EPHX3: variants seen among roughly 807,000 people sequenced by gnomAD.
EPHX3 encodes the protein abhydrolase domain containing 9.
Under a neutral mutation model 40.2 loss-of-function variants are expected in EPHX3, and 39 were observed. That is an observed-to-expected ratio of 0.97 (90% CI 0.75 to 1.27). The LOEUF is 1.27. Ranked by LOEUF, EPHX3 falls within the 50% of genes most tolerant of loss-of-function variation. EPHX3 has a pLI of 0.00. For missense variants in EPHX3, 442 were observed against 474.0 expected, an observed-to-expected ratio of 0.93 and a Z score of 0.63; for synonymous variants, 213 against 209.7, an observed-to-expected ratio of 1.02 and a Z score of -0.14.
At chr19:15,232,512 G>A (rs531697118), upstream of EPHX3, 1 of 1,090,254 alleles carries the variant, frequency 9.2e-7, no homozygotes, top group East Asian at 4.2e-5. Flanking sequence ...GGGCCTAGCA[G>A]GTCCTGTGCG....
upstream of EPHX3, among the ~76,000 whole-genome samples, chr19:15,233,587 C>G (rs1305711254): frequency 6.6e-6 from 1 of 152,244 alleles, no homozygotes; most frequent in African/African-American, 2.4e-5. Flanking sequence ...GGCCCAGGCT[C>G]CGAGAGCGGG....
In EPHX3 at chr19:15,230,789, G is replaced by A. The variant is rs150831966; in HGVS notation, c.616+173C>T. 1.5e-3 allele frequency among the ~76,000 whole-genome samples: 226 copies of A among 152,032 alleles called. 1 individual carries two copies. The highest frequency in any genetic ancestry group is 5.2e-3 in the African/African-American group (214 of 41,472). ...ATTACAGGTGTGAGCCACTGGGTCT[G>A]GCGTGTCATTAATTTCCGAATGAGG... On this transcript the variant is annotated intron_variant, in intron 4 of 6. Coordinates refer to ENST00000221730, the MANE Select transcript of EPHX3 (RefSeq NM_024794.3).
chr19:15,227,149 A>C lies in EPHX3; in HGVS notation c.*288T>G. The C allele has an allele frequency of 2.3e-6, 1 of 430,364 alleles. No homozygotes were observed. Among genetic ancestry groups the C allele is most frequent in the Non-Finnish European group, 4.2e-6 (1 of 235,320 alleles). The allele number at this position is 430,364 out of a possible 1,614,324, so 26.7% of individuals were successfully genotyped here. ...AGGCCCCAGGAAGGGAGGAGGTGGGACACTCGGTCTCGGCATCTGGCTCCA... is the reference window on the plus strand; with the variant it reads ...AGGCCCCAGGAAGGGAGGAGGTGGGCCACTCGGTCTCGGCATCTGGCTCCA... On this transcript the variant is annotated 3_prime_UTR_variant, in exon 7 of 7. Transcript: ENST00000221730.
At chr19:15,232,884 G>GA (rs143772036), upstream of EPHX3, 90 of 126,000 alleles carry the variant, frequency 7.1e-4, no homozygotes, top group African/African-American at 9.0e-4. Flanking sequence ...TCTCAAAAAA[G>GA]AAAAAAAAAA....
intron 4 of EPHX3, among the ~76,000 whole-genome samples, chr19:15,228,351 G>A (rs1416402160): frequency 6.6e-6 from 1 of 152,068 alleles, no homozygotes; most frequent in South Asian, 2.1e-4. Flanking sequence ...TGCTTCCTCT[G>A]CCCAGGCCAG....
chr19:15,231,699 C>T, intron 2 of EPHX3, 77 bp downstream of exon 2: 2 of 1,451,874 alleles, frequency 1.4e-6, no homozygotes, highest in Non-Finnish European at 1.9e-6. Flanking sequence ...ATACAGCCCT[C>T]CTCCCTGCCT....
At chr19:15,233,424 C>T (rs1381334595), upstream of EPHX3, 1 of 152,450 alleles carries the variant, frequency 6.6e-6, no homozygotes, top group Non-Finnish European at 1.5e-5. Context: ...AGCTGTGGTT[C>T]CAACGGCGGG....
rs2047122768 is a variant in EPHX3, at chr19:15,227,681, G to C, written c.858-19C>G. ...GAAGTTCCTGTGGCCAGGACAGACA[G>C]ACAGGCAGACAGACAGGCAGAAGGA... On this transcript the variant is annotated intron_variant, in intron 6 of 6. Transcript: ENST00000221730. 1 of 1,612,198 alleles carries C rather than the reference G, an allele frequency of 6.2e-7. No homozygotes were observed. The highest frequency in any genetic ancestry group is 1.3e-5 in the African/African-American group (1 of 74,884).
In EPHX3 at chr19:15,231,375, G is replaced by A. The variant is rs1162311765; in HGVS notation, c.351C>T (p.Leu117=). The change falls in exon 3 of 7, where the codon CTC becomes CTT. Residue 117 remains leucine, a synonymous_variant. Coordinates refer to ENST00000221730, the MANE Select transcript of EPHX3 (RefSeq NM_024794.3). ...CATGGAAGCGGCTCTGGAACTCCCG[G>A]AGCTGGTAACGCCAGGAGAACCTGC... ...PENWFSWRYQ[L]REFQSRFHVV... The A allele has an allele frequency of 6.2e-7, 1 of 1,613,694 alleles. No individual in the cohort carries two copies. The highest frequency in any genetic ancestry group is 1.3e-5 in the African/African-American group (1 of 74,906).
chr19:15,229,583 C>CTCCA (rs1477319093), intron 4 of EPHX3, among the ~76,000 whole-genome samples: 2 of 136,888 alleles, frequency 1.5e-5, no homozygotes, highest in African/African-American at 5.5e-5. Flanking sequence ...CAGAGTGAGA[C>CTCCA]TCCATCTCAA....
chr19:15,228,906 G>A (rs1024657775), intron 4 of EPHX3, among the ~76,000 whole-genome samples: 4 of 152,032 alleles, frequency 2.6e-5, no homozygotes, highest in Non-Finnish European at 4.4e-5. Flanking sequence ...TGGGAGGATC[G>A]CTTGAGCCCA....
Position 15,228,044 on chromosome 19 carries a change from G to A in EPHX3, c.673C>T (p.Gln225Ter). 1 of 1,598,682 alleles carries A rather than the reference G, an allele frequency of 6.3e-7. No homozygotes were observed. Among genetic ancestry groups the A allele is most frequent in the South Asian group, 1.1e-5 (1 of 90,898 alleles). Residue 225 changes from glutamine to a stop codon, truncating the protein, a stop_gained, in exon 5 of 7, where the codon CAG (glutamine) becomes TAG (stop). Coordinates refer to ENST00000221730, the MANE Select transcript of EPHX3 (RefSeq NM_024794.3). LOFTEE classifies it high-confidence loss of function. ...FFRSHYMFLF[Q>*]LPWLPEKLLS... ...AGCTTCTCGGGCAGCCAGGGCAGCT[G>A]GAACAGGAACATGTAGTGGGAACGG...
upstream of EPHX3, among the ~76,000 whole-genome samples, chr19:15,232,597 C>A (rs1424741720): frequency 3.3e-5 from 5 of 151,430 alleles, no homozygotes; most frequent in African/African-American, 1.2e-4. Flanking sequence ...CAATTCCGGG[C>A]CGGGTGCGGT....
Position 15,232,371 on chromosome 19 carries a change from A to G in EPHX3, c.-160T>C. The G allele has an allele frequency of 2.9e-6, 4 of 1,372,984 alleles. No individual in the cohort carries two copies. Among genetic ancestry groups the G allele is most frequent in the Non-Finnish European group, 3.7e-6 (4 of 1,073,054 alleles). The allele number at this position is 1,372,984 out of a possible 1,614,324, so 85.1% of individuals were successfully genotyped here. A position where few individuals can be genotyped will look rare whatever the true frequency, so the allele number is the denominator to read the frequency against. On this transcript the variant is annotated 5_prime_UTR_variant, in exon 1 of 7. Coordinates refer to ENST00000221730, the MANE Select transcript of EPHX3 (RefSeq NM_024794.3). ...CTGAAGGAAGAGGCGGGCGGCTCCG[A>G]CAGAAAACAGCCAGAGCGCACCACT...
intron 4 of EPHX3, 56 bp downstream of exon 4, chr19:15,230,906 T>C: frequency 2.5e-6 from 4 of 1,595,720 alleles, no homozygotes; most frequent in South Asian, 1.1e-5. Context: ...CACAGACACA[T>C]GTCCCTGCCC....
chr19:15,231,692 C>T, intron 2 of EPHX3, 84 bp downstream of exon 2: 3 of 1,392,876 alleles, frequency 2.2e-6, no homozygotes, highest in South Asian at 1.2e-5. Context: ...CCGATCTATA[C>T]AGCCCTCCTC....
chr19:15,229,737 C>T, intron 4 of EPHX3, among the ~76,000 whole-genome samples: 1 of 149,548 alleles, frequency 6.7e-6, no homozygotes, highest in Non-Finnish European at 1.5e-5. Context: ...TACTAAAATA[C>T]AAAAAATTAG....
chr19:15,232,223 C>A lies in EPHX3; in HGVS notation c.-12G>T. ...ACCAGCTCCGGCATGTCGCCGCGCT[C>A]CGGGACCACGGCGGCGCTGCCGGCC... On this transcript the variant is annotated 5_prime_UTR_variant, in exon 1 of 7. Transcript: ENST00000221730. 1 of 1,488,302 alleles carries A rather than the reference C, an allele frequency of 6.7e-7. No homozygotes were observed. The highest frequency in any genetic ancestry group is 1.3e-5 in the South Asian group (1 of 79,002). 92.2% of individuals were successfully genotyped at this position (1,488,302 alleles called of 1,614,324 possible).
At chr19:15,236,895 C>T (rs946414214), upstream of EPHX3, 12 of 200,610 alleles carry the variant, frequency 6.0e-5, no homozygotes, top group Non-Finnish European at 1.1e-4. Context: ...GCATATTCAC[C>T]GTATGAAAGT....
Sources: gnomAD v4.1 joint callset for allele counts (sites outside exome capture counted in the v4.1 genomes callset) on GRCh38, gnomAD v4.1.1 for gene constraint, MANE v1.5 for transcripts, NCBI Gene and HGNC (gene_info 2026-07-23, HGNC 2026-07-21) for gene names.